The following PEDS1 variants were observed in gnomAD, a reference collection of about 807,000 sequenced individuals.
The protein encoded by PEDS1 is CarF homolog.
Under a neutral mutation model 35.2 loss-of-function variants are expected in PEDS1, and 14 were observed. The ratio of observed to expected loss-of-function variants is 0.40; its 90% confidence interval spans 0.26 to 0.62. The LOEUF (loss-of-function observed/expected upper bound fraction) is 0.62. PEDS1 is among the 20% of genes least tolerant of loss of function. The probability of loss-of-function intolerance (pLI) is 0.44; values close to 1 mark genes in which losing one functional copy is unlikely to be tolerated. For synonymous variants in PEDS1, 152 were observed against 152.0 expected, an observed-to-expected ratio of 1.00 and a Z score of 0.00; for missense variants, 260 against 367.8, an observed-to-expected ratio of 0.71 and a Z score of 2.40.
At chr20:50,143,450 G>A in intron 2 of PEDS1, 52 bp downstream of exon 2, 1 of 1,569,776 alleles carries the variant, frequency 6.4e-7, no homozygotes, top group Non-Finnish European at 8.6e-7. Context: ...TACCCGGTGG[G>A]TCCCTGGCCC....
At chr20:50,125,247 G>A (rs2081087540) in intron 5 of PEDS1, 68 bp from the exon 6 acceptor site, 4 of 1,583,114 alleles carry the variant, frequency 2.5e-6, no homozygotes, top group East Asian at 2.3e-5. Context: ...GAAGAGAGCT[G>A]ACCTTCACTG....
At chr20:50,131,348 C>T (rs1313764348) in intron 2 of PEDS1, among the ~76,000 whole-genome samples, 1 of 152,130 alleles carries the variant, frequency 6.6e-6, no homozygotes, top group Non-Finnish European at 1.5e-5. Context: ...CGGCCAGGTG[C>T]GGTGGCTCAT....
intron 2 of PEDS1, among the ~76,000 whole-genome samples, chr20:50,141,308 C>T (rs2081289356): frequency 1.3e-5 from 2 of 152,192 alleles, no homozygotes; most frequent in African/African-American, 2.4e-5. Flanking sequence ...TAGGGTAGCA[C>T]AAAGAGTGAA....
chr20:50,139,650 C>T (rs2081272350), intron 2 of PEDS1, among the ~76,000 whole-genome samples: 1 of 151,250 alleles, frequency 6.6e-6, no homozygotes, highest in African/African-American at 2.4e-5. Flanking sequence ...GGAGCTTCAT[C>T]TTGACACAGA....
rs911815049 is a variant in PEDS1, at chr20:50,131,107, T to C, written c.242-160A>G. 78 of 1,521,742 alleles carry C rather than the reference T, an allele frequency of 5.1e-5. No individual in the cohort carries two copies. The Middle Eastern group carries it at 5.3e-4, about 10-fold the overall frequency. 94.3% of individuals were successfully genotyped at this position (1,521,742 alleles called of 1,614,324 possible). ...CTTCCCTGAAGATGGAGCCTCAGGCTTAACACTCCTCCTGCCTGTTACTTG... is the reference window on the plus strand; with the variant it reads ...CTTCCCTGAAGATGGAGCCTCAGGCCTAACACTCCTCCTGCCTGTTACTTG... On this transcript the variant is annotated intron_variant, in intron 2 of 5. Transcript: ENST00000371652.
rs1437495181 is a variant in PEDS1 at position 50,122,999 on chromosome 20, A to T, written c.*2059T>A. 1.3e-5 allele frequency: 2 copies of T among 151,800 alleles called. No homozygotes were observed. Among genetic ancestry groups the T allele is most frequent in the East Asian group, 3.9e-4 (2 of 5,158 alleles). 9.4% of individuals were successfully genotyped at this position (151,800 alleles called of 1,614,324 possible). On this transcript the variant is annotated 3_prime_UTR_variant, in exon 6 of 6. Transcript: ENST00000371652. ...GTGCTAGTCCCAGCCACTCATGAGG[A>T]TCGTTTGTGTCCAGGAGTTCAAGGT...
intron 5 of PEDS1, among the ~76,000 whole-genome samples, chr20:50,127,262 C>T (rs925556963): frequency 1.3e-5 from 2 of 152,056 alleles, no homozygotes; most frequent in African/African-American, 2.4e-5. Context: ...CCATTAGCCA[C>T]GCTACACATT....
At chr20:50,142,747 T>C (rs1321103317) in intron 2 of PEDS1, among the ~76,000 whole-genome samples, 1 of 116,260 alleles carries the variant, frequency 8.6e-6, no homozygotes, top group Non-Finnish European at 1.6e-5. Context: ...CCACCACACC[T>C]GGCTGGGGCT....
chr20:50,136,614 T>C (rs2081237113), intron 2 of PEDS1, among the ~76,000 whole-genome samples: 1 of 150,418 alleles, frequency 6.6e-6, no homozygotes, highest in Non-Finnish European at 1.5e-5. Context: ...TCTCAACTAC[T>C]TGGGAGGCTG....
In PEDS1 at chr20:50,119,690, G is replaced by C. The variant is rs1182882207; in HGVS notation, c.*5368C>G. 1.3e-5 allele frequency: 2 copies of C among 152,166 alleles called. No homozygotes were observed. The highest frequency in any genetic ancestry group is 1.3e-4 in the Admixed American group (2 of 15,270). The allele number at this position is 152,166 out of a possible 1,614,324, so 9.4% of individuals were successfully genotyped here. A position where few individuals can be genotyped will look rare whatever the true frequency, so the allele number is the denominator to read the frequency against. On this transcript the variant is annotated 3_prime_UTR_variant, in exon 6 of 6. Coordinates refer to ENST00000371652, the MANE Select transcript of PEDS1 (RefSeq NM_199129.4). ...TCAAAATGATGGCCTCTAAGGAGGG[G>C]AACTGAGTACCTGAGGGAACATGAA...
intron 2 of PEDS1, among the ~76,000 whole-genome samples, chr20:50,142,568 G>T (rs2081301646): frequency 6.6e-6 from 1 of 152,012 alleles, no homozygotes; most frequent in South Asian, 2.1e-4. Flanking sequence ...CTCCCAAGTA[G>T]CTGGGACCTA....
chr20:50,134,587 A>G (rs1410696716), intron 2 of PEDS1, among the ~76,000 whole-genome samples: 1 of 152,228 alleles, frequency 6.6e-6, no homozygotes, highest in African/African-American at 2.4e-5. Context: ...TCATGAAAGA[A>G]ATAGCTACAG....
rs556586601 is a variant in PEDS1 at position 50,121,752 on chromosome 20, G to C, written c.*3306C>G. ...TACCCTTACTACCTGTGGGACCTTG[G>C]GGGAGTCACTTTACCTCTCTGGACT... On this transcript the variant is annotated 3_prime_UTR_variant, in exon 6 of 6. Transcript: ENST00000371652. The C allele has an allele frequency of 4.4e-4, 67 of 152,260 alleles. No homozygotes were observed. The highest frequency in any genetic ancestry group is 1.6e-3 in the African/African-American group (66 of 41,522). The allele number at this position is 152,260 out of a possible 1,614,324, so 9.4% of individuals were successfully genotyped here.
chr20:50,125,265 G>A, intron 5 of PEDS1, 86 bp from the exon 6 acceptor site: 1 of 1,534,974 alleles, frequency 6.5e-7, no homozygotes, highest in Non-Finnish European at 8.9e-7. Flanking sequence ...CTGGGCTGGA[G>A]GGGCCCAATG....
chr20:50,132,246 G>A (rs759363740), intron 2 of PEDS1, among the ~76,000 whole-genome samples: 5 of 152,130 alleles, frequency 3.3e-5, no homozygotes, highest in African/African-American at 4.8e-5. Context: ...ACATTTACGA[G>A]CACTTTCTCA....
chr20:50,129,502 C>T lies in PEDS1; in HGVS notation c.478+44G>A, dbSNP rs1292512571. ...GAAGGCTCCTGGGGGTCGGCCTCTGCCCCCAAGGCCCCCTCCCAGCCCACC... is the reference window on the plus strand; with the variant it reads ...GAAGGCTCCTGGGGGTCGGCCTCTGTCCCCAAGGCCCCCTCCCAGCCCACC... On this transcript the variant is annotated intron_variant, in intron 4 of 5. Transcript: ENST00000371652. This position sits in a 1 kb window ranked among gnomAD's most constrained non-coding sequence, Gnocchi z 4.2. The T allele has an allele frequency of 8.1e-6, 13 of 1,611,604 alleles. No individual in the cohort carries two copies. The highest frequency in any genetic ancestry group is 1.1e-5 in the Non-Finnish European group (13 of 1,178,534).
intron 2 of PEDS1, among the ~76,000 whole-genome samples, chr20:50,138,646 G>C (rs1311742029): frequency 6.6e-6 from 1 of 152,242 alleles, no homozygotes; most frequent in Non-Finnish European, 1.5e-5. Context: ...CCCTCCCCCT[G>C]GCTCCGTGAT....
chr20:50,135,818 A>ATGGTAGGT (rs1436621898), intron 2 of PEDS1, among the ~76,000 whole-genome samples: 1 of 152,130 alleles, frequency 6.6e-6, no homozygotes, highest in African/African-American at 2.4e-5. Flanking sequence ...ACGGATTCAG[A>ATGGTAGGT]TGGTAGGTGC....
rs2081071121 is a variant in PEDS1 at position 50,123,764 on chromosome 20, C to T, written c.*1294G>A. 6.6e-6 allele frequency: 1 copy of T among 152,242 alleles called. No homozygotes were observed. The highest frequency in any genetic ancestry group is 1.5e-5 in the Non-Finnish European group (1 of 68,056). The allele number at this position is 152,242 out of a possible 1,614,324, so 9.4% of individuals were successfully genotyped here. A position where few individuals can be genotyped will look rare whatever the true frequency, so the allele number is the denominator to read the frequency against. ...GTTTGATTTTCTTCACAAATCACCA[C>T]CTGAATTTCCATGTGCATTTATTTG... On this transcript the variant is annotated 3_prime_UTR_variant, in exon 6 of 6. Coordinates refer to ENST00000371652, the MANE Select transcript of PEDS1 (RefSeq NM_199129.4).
Sources: gnomAD v4.1 joint callset for allele counts (sites outside exome capture counted in the v4.1 genomes callset) on GRCh38, gnomAD v4.1.1 for gene constraint, Gnocchi (gnomAD v3.1) non-coding constraint, MANE v1.5 for transcripts, NCBI Gene and HGNC (gene_info 2026-07-23, HGNC 2026-07-21) for gene names.